The following SRGAP3 variants were observed in gnomAD, a reference collection of about 807,000 sequenced individuals.
SRGAP3 encodes the protein SLIT-ROBO Rho GTPase activating protein 3, also known as SLIT-ROBO Rho GTPase-activating protein 3.
A neutral mutation model predicts 121.1 loss-of-function variants in SRGAP3; 39 were observed. The observed-to-expected ratio is 0.32, with a 90% confidence interval of 0.25 to 0.42. The LOEUF (loss-of-function observed/expected upper bound fraction) is 0.42, where lower values mean the gene tolerates loss of function less well. Ranked by LOEUF, SRGAP3 falls within the 10% of genes least tolerant of loss-of-function variation. The pLI is 1.00. For synonymous variants in SRGAP3, 601 were observed against 570.0 expected, an observed-to-expected ratio of 1.05 and a Z score of -0.77; for missense variants, 1,213 against 1,470.6, an observed-to-expected ratio of 0.82 and a Z score of 2.86.
intron 3 of SRGAP3, among the ~76,000 whole-genome samples, chr3:9,096,286 A>C (rs1344107692): frequency 1.3e-5 from 2 of 152,190 alleles, no homozygotes; most frequent in African/African-American, 2.4e-5. Flanking sequence ...TATATGAATG[A>C]CAATGACAGC....
intron 3 of SRGAP3, among the ~76,000 whole-genome samples, chr3:9,273,275 C>T (rs192957340): frequency 2.6e-5 from 4 of 152,294 alleles, no homozygotes; most frequent in East Asian, 3.9e-4. Flanking sequence ...TTCTGCTCTG[C>T]GGCCCAGTTC....
chr3:9,181,328 G>C (rs1951392281), intron 1 of SRGAP3, among the ~76,000 whole-genome samples: 1 of 152,176 alleles, frequency 6.6e-6, no homozygotes, highest in Non-Finnish European at 1.5e-5. Context: ...GAAGGTAATG[G>C]TAATCGTTTT....
At chr3:9,023,725 T>C (rs537146775) in intron 14 of SRGAP3, among the ~76,000 whole-genome samples, 1 of 152,312 alleles carries the variant, frequency 6.6e-6, no homozygotes, top group South Asian at 2.1e-4. Flanking sequence ...CAGTGCATGC[T>C]TGTTTAGTGA....
In SRGAP3 at chr3:8,981,372, G is replaced by A. The variant is rs551231873; in HGVS notation, c.*4147C>T. 4.3e-5 allele frequency: 10 copies of A among 232,744 alleles called. No individual in the cohort carries two copies. The South Asian group carries it at 1.8e-3, about 42-fold the overall frequency. The allele number at this position is 232,744 out of a possible 1,614,324, so 14.4% of individuals were successfully genotyped here. A position where few individuals can be genotyped will look rare whatever the true frequency, so the allele number is the denominator to read the frequency against. ...CAGCCCAGCAGGGGCTAACCCCATGGTTGTGAGCCAGCCACTCTTCTTTCT... is the reference window on the plus strand; with the variant it reads ...CAGCCCAGCAGGGGCTAACCCCATGATTGTGAGCCAGCCACTCTTCTTTCT... On this transcript the variant is annotated 3_prime_UTR_variant, in exon 22 of 22. Coordinates refer to ENST00000383836, the MANE Select transcript of SRGAP3 (RefSeq NM_014850.4).
intron 1 of SRGAP3, among the ~76,000 whole-genome samples, chr3:9,144,040 C>T (rs553799973): frequency 3.9e-5 from 6 of 152,146 alleles, no homozygotes; most frequent in South Asian, 4.2e-4. Context: ...CTAGCCCCCA[C>T]ATCACTTTTC....
In SRGAP3 at chr3:9,302,854, C is replaced by A. The variant is rs1018808393; in HGVS notation, n.442+23156G>T. 3.3e-5 allele frequency among the ~76,000 whole-genome samples: 5 copies of A among 152,120 alleles called. No homozygotes were observed. In the East Asian group the frequency reaches 7.7e-4, roughly 24 times the overall value. On this transcript the variant is annotated intron_variant and non_coding_transcript_variant, in intron 3 of 3. Transcript: ENST00000490889. ...GAGGCTCTGCAATCCGAGCAAGGGG[C>A]TTCAGTTCTCTGAACCTCAGAATTC...
At chr3:9,173,523 G>A (rs927955717) in intron 1 of SRGAP3, among the ~76,000 whole-genome samples, 2 of 152,212 alleles carry the variant, frequency 1.3e-5, no homozygotes, top group Non-Finnish European at 2.9e-5. Context: ...ACTAGAATAA[G>A]AGCAGAGAGG....
At chr3:9,030,153 A>AAATGAATGAATG (rs149686122) in intron 12 of SRGAP3, among the ~76,000 whole-genome samples, 25 of 148,350 alleles carry the variant, frequency 1.7e-4, no homozygotes, top group Non-Finnish European at 3.0e-4. Context: ...CTGCCTCAAT[A>AAATGAATGAATG]AATGAATGAA....
chr3:9,137,349 T>C (rs553123971), intron 1 of SRGAP3, among the ~76,000 whole-genome samples: 1 of 152,270 alleles, frequency 6.6e-6, no homozygotes, highest in African/African-American at 2.4e-5. Context: ...TTTTATCTGC[T>C]TGCAGCTTTC....
intron 2 of SRGAP3, among the ~76,000 whole-genome samples, chr3:9,118,656 C>G (rs533208652): frequency 6.6e-6 from 1 of 151,614 alleles, no homozygotes; most frequent in East Asian, 1.9e-4. Flanking sequence ...TGCCAACAGA[C>G]TCCCCCAGGG....
intron 3 of SRGAP3, among the ~76,000 whole-genome samples, chr3:9,261,542 T>G (rs1030436895): frequency 1.3e-5 from 2 of 151,698 alleles, no homozygotes; most frequent in Non-Finnish European, 2.9e-5. Context: ...GCACAAGAAC[T>G]TCGTGAAGCA....
At chr3:9,161,325 G>A (rs1255288255) in intron 1 of SRGAP3, among the ~76,000 whole-genome samples, 2 of 152,240 alleles carry the variant, frequency 1.3e-5, no homozygotes, top group Non-Finnish European at 2.9e-5. Flanking sequence ...CCATGGGCCA[G>A]TGCCTCTCTT....
chr3:9,136,408 C>CA (rs1553675063), intron 1 of SRGAP3, among the ~76,000 whole-genome samples: 3 of 139,868 alleles, frequency 2.1e-5, no homozygotes, highest in Non-Finnish European at 4.8e-5. Context: ...CCCCCCCCCC[C>CA]GACCGCCCCG....
At chr3:9,024,972 G>T (rs528196731) in intron 14 of SRGAP3, among the ~76,000 whole-genome samples, 1 of 152,232 alleles carries the variant, frequency 6.6e-6, no homozygotes, top group East Asian at 1.9e-4. Flanking sequence ...TGGTGGTGCT[G>T]GTGCTGGTGC....
At chr3:9,248,213 A>G (rs1953894543) in intron 1 of SRGAP3, among the ~76,000 whole-genome samples, 1 of 152,244 alleles carries the variant, frequency 6.6e-6, no homozygotes. Flanking sequence ...CCTAAACGCC[A>G]GGGCACAGAG....
At chr3:9,071,680 A>T (rs1391581476) in intron 4 of SRGAP3, among the ~76,000 whole-genome samples, 1 of 151,676 alleles carries the variant, frequency 6.6e-6, no homozygotes, top group Non-Finnish European at 1.5e-5. Context: ...GGATGGATGG[A>T]TGGATGGATG....
intron 1 of SRGAP3, among the ~76,000 whole-genome samples, chr3:9,150,380 C>T (rs1028048576): frequency 1.3e-5 from 2 of 151,932 alleles, no homozygotes; most frequent in Admixed American, 6.6e-5. Flanking sequence ...AGGCCAGCAC[C>T]GAGAAGACCC....
At chr3:9,244,313 C>T (rs1420547129) in intron 1 of SRGAP3, among the ~76,000 whole-genome samples, 23 of 152,076 alleles carry the variant, frequency 1.5e-4, no homozygotes, top group Admixed American at 1.4e-3. Flanking sequence ...TGTAGATAAT[C>T]AACTTTTGTT....
rs57386891 is a variant in SRGAP3 at position 8,983,265 on chromosome 3, T to A, written c.*2254A>T. ...TCTCTTAAGCTGTAAAATGGCAATATCTTTCTGTGCTCCAAGCAGATGGCC... is the reference window on the plus strand; with the variant it reads ...TCTCTTAAGCTGTAAAATGGCAATAACTTTCTGTGCTCCAAGCAGATGGCC... On this transcript the variant is annotated 3_prime_UTR_variant, in exon 22 of 22. Coordinates refer to ENST00000383836, the MANE Select transcript of SRGAP3 (RefSeq NM_014850.4). The A allele has an allele frequency of 0.1, 23,608 of 227,104 alleles. 1,401 individuals are homozygous for A. The highest frequency in any genetic ancestry group is 0.15 in the African/African-American group (6,754 of 44,990). 14.1% of individuals were successfully genotyped at this position (227,104 alleles called of 1,614,324 possible).
Sources: gnomAD v4.1 joint callset for allele counts (sites outside exome capture counted in the v4.1 genomes callset) on GRCh38, gnomAD v4.1.1 for gene constraint, MANE v1.5 for transcripts, NCBI Gene and HGNC (gene_info 2026-07-23, HGNC 2026-07-21) for gene names.